P3H2: variants seen among roughly 807,000 people sequenced by gnomAD.
P3H2 encodes leprecan-like 1.
Under a neutral mutation model 87.0 loss-of-function variants are expected in P3H2, and 80 were observed. The observed-to-expected ratio is 0.92, with a 90% confidence interval of 0.77 to 1.11. The LOEUF (loss-of-function observed/expected upper bound fraction) is 1.11. Among genes scored for constraint, P3H2 ranks in the 50% least tolerant of loss-of-function variants. The pLI, the probability that P3H2 is intolerant of heterozygous loss-of-function variation, is 0.00. For synonymous variants in P3H2, 367 were observed against 359.3 expected (o/e 1.02, Z -0.24); for missense variants, 1,001 against 923.9 (o/e 1.08, Z -1.08).
Position 190,005,750 on chromosome 3 carries a change from T to C in P3H2, c.481-10308A>G, listed in dbSNP as rs544565202. On this transcript the variant is annotated intron_variant, in intron 1 of 14. Transcript: ENST00000319332. ...ATTTCAGCTCATGCAAAGGAATGCATCGTGGCTGCAAGCCAAGGGGAATTT... is the reference window on the plus strand; with the variant it reads ...ATTTCAGCTCATGCAAAGGAATGCACCGTGGCTGCAAGCCAAGGGGAATTT... 2.0e-5 allele frequency among the ~76,000 whole-genome samples: 3 copies of C among 152,328 alleles called. No individual in the cohort carries two copies. The East Asian group carries it at 5.8e-4, about 29-fold the overall frequency.
At chr3:189,993,058 C>T (rs1280008135) in intron 3 of P3H2, among the ~76,000 whole-genome samples, 8 of 152,118 alleles carry the variant, frequency 5.3e-5, no homozygotes, top group Non-Finnish European at 8.8e-5. Context: ...CGTGCTGGCT[C>T]ACGCCCGTAA....
At chr3:190,023,019 T>TATTTCAC (rs1560366419) in intron 1 of P3H2, among the ~76,000 whole-genome samples, 1 of 151,812 alleles carries the variant, frequency 6.6e-6, no homozygotes, top group African/African-American at 2.4e-5. Context: ...GTAGAGACGG[T>TATTTCAC]GTTTCACCGT....
chr3:190,118,642 C>T (rs2378562), intron 1 of P3H2, among the ~76,000 whole-genome samples: 3,613 of 152,088 alleles, frequency 0.024, 89 homozygotes, highest in African/African-American at 0.053. Context: ...TTAGCCACAA[C>T]ACAAGGAAGT....
chr3:189,982,127 C>T (rs894169545), intron 8 of P3H2, among the ~76,000 whole-genome samples: 2 of 152,286 alleles, frequency 1.3e-5, no homozygotes, highest in South Asian at 2.1e-4. Context: ...TTGATATCTA[C>T]ACAATTCTAT....
In P3H2 at chr3:190,092,551, T is replaced by C. The variant is rs78376773; in HGVS notation, c.480+27701A>G. ...AATAAGGAAAAGTGCAAGGGACTTA[T>C]GGCATTTTTCCAAAGGCAGAGTGCT... On this transcript the variant is annotated intron_variant, in intron 1 of 14. Coordinates refer to ENST00000319332, the MANE Select transcript of P3H2 (RefSeq NM_018192.4). 8.3e-4 allele frequency among the ~76,000 whole-genome samples: 126 copies of C among 152,332 alleles called. 1 individual carries two copies. The East Asian group carries it at 0.02, about 25-fold the overall frequency.
At position 189,973,930 on chromosome 3, in the gene P3H2, T is replaced by C. The variant is rs1431868563; in HGVS notation, c.1527A>G (p.Ala509=). The change falls in exon 10 of 15, where the codon GCA becomes GCG. Residue 509 remains alanine, a synonymous_variant. Coordinates refer to ENST00000319332, the MANE Select transcript of P3H2 (RefSeq NM_018192.4). The stretch of plus-strand genomic sequence containing the variant: ...TTACTTTGAGTGCTTTCAGGACAGT[T>C]GCACCTTCAAACTTTTCATTGGGTG... The part of the protein sequence containing the change: ...PHTPNEKFEG[A]TVLKALKSGY... 5 of 1,613,900 alleles carry C rather than the reference T, an allele frequency of 3.1e-6. No homozygotes were observed. Among genetic ancestry groups the C allele is most frequent in the Non-Finnish European group, 4.2e-6 (5 of 1,179,880 alleles).
intron 1 of P3H2, among the ~76,000 whole-genome samples, chr3:190,006,197 C>T (rs1724382499): frequency 6.6e-6 from 1 of 152,170 alleles, no homozygotes; most frequent in African/African-American, 2.4e-5. Flanking sequence ...ATTTTTGTGG[C>T]ACTTGCATTG....
chr3:190,083,505 G>A (rs1316223932), intron 1 of P3H2, among the ~76,000 whole-genome samples: 2 of 152,152 alleles, frequency 1.3e-5, no homozygotes, highest in Non-Finnish European at 2.9e-5. Flanking sequence ...ATTTTTAACT[G>A]GCAATCTTTT....
chr3:190,059,404 C>T (rs1385039648), intron 1 of P3H2, among the ~76,000 whole-genome samples: 4 of 151,996 alleles, frequency 2.6e-5, no homozygotes, highest in Non-Finnish European at 5.9e-5. Flanking sequence ...ACAGCATTGT[C>T]ATACAACACT....
intron 13 of P3H2, chr3:189,969,995 G>A: frequency 1.7e-6 from 1 of 594,368 alleles, no homozygotes; most frequent in Non-Finnish European, 3.1e-6. Flanking sequence ...ACCAAAGGAT[G>A]CTAACTATAT....
chr3:190,038,191 G>T (rs1725483407), intron 1 of P3H2, among the ~76,000 whole-genome samples: 1 of 148,344 alleles, frequency 6.7e-6, no homozygotes, highest in African/African-American at 2.5e-5. Context: ...AGCCGAGATT[G>T]CGCCACTGCA....
chr3:190,076,181 G>GCGCA (rs1726871379), intron 1 of P3H2, among the ~76,000 whole-genome samples: 2 of 148,466 alleles, frequency 1.3e-5, no homozygotes, highest in African/African-American at 4.9e-5. Context: ...AAACACACAT[G>GCGCA]CACACACACA....
intron 1 of P3H2, among the ~76,000 whole-genome samples, chr3:190,025,713 A>G (rs755836173): frequency 2.8e-4 from 42 of 152,230 alleles, no homozygotes; most frequent in Non-Finnish European, 5.7e-4. Context: ...AAAGAAAATA[A>G]AATGAATTCG....
chr3:190,057,924 A>G lies in P3H2; in HGVS notation c.480+62328T>C, dbSNP rs143874641. On this transcript the variant is annotated intron_variant, in intron 1 of 14. Transcript: ENST00000319332. ...CCTCAGTCATTCCCAGAACTAAGGCATAGCTGACCTTCAACTTGAAGTACT... is the reference window on the plus strand; with the variant it reads ...CCTCAGTCATTCCCAGAACTAAGGCGTAGCTGACCTTCAACTTGAAGTACT... Among the ~76,000 whole-genome samples the G allele has an allele frequency of 2.4e-4, 37 of 152,244 alleles. 1 individual carries two copies. The highest frequency in any genetic ancestry group is 8.7e-4 in the African/African-American group (36 of 41,548).
At chr3:190,008,440 T>C (rs1291818072) in intron 1 of P3H2, among the ~76,000 whole-genome samples, 3 of 152,172 alleles carry the variant, frequency 2.0e-5, no homozygotes, top group African/African-American at 7.2e-5. Flanking sequence ...ACTATAGGAT[T>C]GTGTTTAAAT....
At chr3:189,958,828 C>G (rs2108899841) in intron 14 of P3H2, among the ~76,000 whole-genome samples, 1 of 151,850 alleles carries the variant, frequency 6.6e-6, no homozygotes, top group African/African-American at 2.4e-5. Flanking sequence ...CTCAGCCTCC[C>G]AAGTACCTGG....
chr3:190,037,161 C>G (rs1331620857), intron 1 of P3H2, among the ~76,000 whole-genome samples: 1 of 151,946 alleles, frequency 6.6e-6, no homozygotes, highest in African/African-American at 2.4e-5. Context: ...ATTAAAAAAA[C>G]ATTGTGGTTG....
chr3:190,035,002 C>A (rs954565475), intron 1 of P3H2, among the ~76,000 whole-genome samples: 1 of 151,816 alleles, frequency 6.6e-6, no homozygotes, highest in Non-Finnish European at 1.5e-5. Flanking sequence ...GCATGTACCA[C>A]CACACCCGAC....
In P3H2 at chr3:189,972,932, C is replaced by T; in HGVS notation, c.1641G>A (p.Met547Ile). The change falls in exon 11 of 15, where the codon ATG becomes ATA. Residue 547 changes from methionine (M) to isoleucine (I), a missense_variant. Physicochemically the swap from Met to Ile is conservative, Grantham distance 10. Transcript: ENST00000319332. ...AGGAAAAATACAGAGTTGAGTTCAG[C>T]ATAAAATAAGATTCTACAATCCTTC... is the stretch of plus-strand genomic sequence containing the variant. ...KARRIVESYFMLNSTLYFSYT... is the reference protein window; with the variant it reads ...KARRIVESYFILNSTLYFSYT... 1 of 1,613,440 alleles carries T rather than the reference C, an allele frequency of 6.2e-7. No homozygotes were observed.
Sources: allele counts gnomAD v4.1 joint callset (sites outside exome capture counted in the v4.1 genomes callset), GRCh38; gene constraint gnomAD v4.1.1; transcripts MANE v1.5; gene names NCBI Gene and HGNC (gene_info 2026-07-23, HGNC 2026-07-21).